The following USP32 variants were observed in gnomAD, a reference collection of about 807,000 sequenced individuals.
The protein encoded by USP32 is ubiquitin carboxyl-terminal hydrolase 32.
In USP32, 59 loss-of-function variants were observed where a neutral mutation model predicts 204.8. The ratio of observed to expected loss-of-function variants is 0.29; its 90% CI spans 0.23 to 0.36. USP32 has a LOEUF of 0.36. Among genes scored for constraint, USP32 ranks in the 10% least tolerant of loss-of-function variants. USP32 has a pLI of 1.00. For missense variants in USP32, 1,160 were observed against 1,946.4 expected, an observed-to-expected ratio of 0.60 and a Z score of 7.60; for synonymous variants, 517 against 678.4, an observed-to-expected ratio of 0.76 and a Z score of 3.70.
At chr17:60,410,670 A>AAAAT (rs560644959) in intron 1 of USP32, among the ~76,000 whole-genome samples, 28 of 152,330 alleles carry the variant, frequency 1.8e-4, no homozygotes, top group Admixed American at 4.6e-4. Context: ...ACTGTCTCAA[A>AAAAT]AAATAAATAA....
Position 60,198,248 on chromosome 17 carries a change from C to T in USP32, c.3434+12G>A, listed in dbSNP as rs548600854. 3.1e-6 allele frequency: 5 copies of T among 1,613,362 alleles called. No homozygotes were observed. In the East Asian group the frequency reaches 8.9e-5, roughly 29 times the overall value. On this transcript the variant is annotated intron_variant, in intron 27 of 33. Transcript: ENST00000300896. The stretch of plus-strand genomic sequence containing the variant: ...TGGAAACCACAGGTTTAGATGGATC[C>T]CCTGAACTCACCAATCCTGGGCATG...
chr17:60,319,835 C>T (rs1036453108), intron 2 of USP32, among the ~76,000 whole-genome samples: 6 of 151,966 alleles, frequency 3.9e-5, no homozygotes, highest in African/African-American at 9.7e-5. Flanking sequence ...CAACTATTCA[C>T]GTAGTATTTA....
At chr17:60,359,990 C>T (rs2089169008) in intron 1 of USP32, among the ~76,000 whole-genome samples, 1 of 151,950 alleles carries the variant, frequency 6.6e-6, no homozygotes, top group Admixed American at 6.6e-5. Context: ...GCCTCAGCCC[C>T]CCGAGTAGCT....
intron 2 of USP32, among the ~76,000 whole-genome samples, chr17:60,344,928 A>G (rs2088750206): frequency 6.6e-6 from 1 of 152,214 alleles, no homozygotes; most frequent in African/African-American, 2.4e-5. Flanking sequence ...CCTCCTGAGT[A>G]GCTGGGACTA....
intron 1 of USP32, among the ~76,000 whole-genome samples, chr17:60,375,270 AG>A (rs1001816417): frequency 6.6e-6 from 1 of 152,206 alleles, no homozygotes; most frequent in African/African-American, 2.4e-5. Context: ...AAAATTTTAA[AG>A]GTCACACAGA....
chr17:60,359,245 A>G (rs549621343), intron 1 of USP32, among the ~76,000 whole-genome samples: 5 of 152,224 alleles, frequency 3.3e-5, no homozygotes, highest in African/African-American at 1.2e-4. Context: ...CAAATTCTCA[A>G]TGCTTTAACT....
chr17:60,283,490 AAGAT>A (rs929844813), intron 5 of USP32, among the ~76,000 whole-genome samples: 14 of 152,206 alleles, frequency 9.2e-5, no homozygotes, highest in African/African-American at 3.4e-4. Context: ...TAAAATAAGA[AAGAT>A]AAGAAACTTA....
intron 11 of USP32, among the ~76,000 whole-genome samples, chr17:60,246,412 TA>T (rs201057872): frequency 6.1e-4 from 88 of 143,472 alleles, no homozygotes; most frequent in East Asian, 3.7e-3. Context: ...TATATATATA[TA>T]TTTTTTTTTT....
chr17:60,332,870 A>G (rs543277114), intron 2 of USP32, among the ~76,000 whole-genome samples: 105 of 152,334 alleles, frequency 6.9e-4, no homozygotes, highest in South Asian at 5.2e-3. Context: ...GCATATACCA[A>G]TAGAGCTTCC....
chr17:60,226,664 T>G (rs2085400209), intron 12 of USP32, among the ~76,000 whole-genome samples: 1 of 152,210 alleles, frequency 6.6e-6, no homozygotes, highest in Non-Finnish European at 1.5e-5. Flanking sequence ...ATTCCATCAT[T>G]TAGCAATAAC....
chr17:60,312,464 T>C (rs377273253), intron 2 of USP32, among the ~76,000 whole-genome samples: 60 of 152,168 alleles, frequency 3.9e-4, no homozygotes, highest in African/African-American at 1.3e-3. Flanking sequence ...CTCATTCTAT[T>C]GCCCAGGCTG....
chr17:60,264,857 C>CA (rs34027846), intron 9 of USP32, among the ~76,000 whole-genome samples: 9,218 of 43,096 alleles, frequency 0.21, 1,594 homozygotes, highest in African/African-American at 0.33. Flanking sequence ...AAGACTCTGT[C>CA]AAAAAAAAAA....
chr17:60,287,603 A>C (rs557814336), intron 5 of USP32, among the ~76,000 whole-genome samples: 1 of 152,280 alleles, frequency 6.6e-6, no homozygotes, highest in African/African-American at 2.4e-5. Context: ...CGATTCTATA[A>C]CAGGACTTCA....
chr17:60,360,854 C>T (rs910450761), intron 1 of USP32, among the ~76,000 whole-genome samples: 3 of 152,028 alleles, frequency 2.0e-5, no homozygotes, highest in South Asian at 2.1e-4. Flanking sequence ...GTAGGCCGGG[C>T]GCGGTGGCTC....
rs887306381 is a variant in USP32 at position 60,183,574 on chromosome 17, T to A, written c.3835-121A>T. The A allele has an allele frequency of 1.1e-5, 15 of 1,365,008 alleles. No individual in the cohort carries two copies. The African/African-American group carries it at 2.2e-4, about 20-fold the overall frequency. The allele number at this position is 1,365,008 out of a possible 1,614,324, so 84.6% of individuals were successfully genotyped here. A position where few individuals can be genotyped will look rare whatever the true frequency, so the allele number is the denominator to read the frequency against. ...GAATATATAACAGAACATTTACTCT[T>A]CATTATTTTTTAAAGACTTCAAAAA... On this transcript the variant is annotated intron_variant, in intron 30 of 33. Transcript: ENST00000300896.
At chr17:60,232,970 T>C (rs867797418) in intron 12 of USP32, among the ~76,000 whole-genome samples, 8 of 152,214 alleles carry the variant, frequency 5.3e-5, no homozygotes, top group African/African-American at 1.9e-4. Context: ...TATTAACTCA[T>C]TTAATTCTCA....
At chr17:60,215,175 T>C (rs918616642) in intron 16 of USP32, among the ~76,000 whole-genome samples, 3 of 152,164 alleles carry the variant, frequency 2.0e-5, no homozygotes, top group African/African-American at 7.2e-5. Context: ...CTTGGCCATA[T>C]TGCCCTGGCT....
intron 8 of USP32, 127 bp from the exon 9 acceptor site, chr17:60,265,601 T>C (rs2086571747): frequency 1.6e-6 from 1 of 643,288 alleles, no homozygotes; most frequent in East Asian, 2.8e-5. Flanking sequence ...TCTCCTTACG[T>C]TGCCCAGGAT....
At chr17:60,180,057 G>C (rs1219745532) in intron 33 of USP32, among the ~76,000 whole-genome samples, 1 of 149,012 alleles carries the variant, frequency 6.7e-6, no homozygotes. Context: ...ACAGAGTCTT[G>C]CTCTGTTGCC....
Sources: allele counts gnomAD v4.1 joint callset (sites outside exome capture counted in the v4.1 genomes callset), GRCh38; gene constraint gnomAD v4.1.1; transcripts MANE v1.5; gene names NCBI Gene and HGNC (gene_info 2026-07-23, HGNC 2026-07-21).